Variants in RIPK4 observed in about 807,000 individuals in gnomAD.
The protein encoded by RIPK4 is receptor interacting serine/threonine kinase 4, also known as receptor-interacting serine/threonine-protein kinase 4.
In RIPK4, 17 loss-of-function variants were observed where a neutral mutation model predicts 42.9. That is an observed-to-expected ratio of 0.40 (90% CI 0.27 to 0.59). The LOEUF (loss-of-function observed/expected upper bound fraction) is 0.59, where lower values mean the gene tolerates loss of function less well. Among genes scored for constraint, RIPK4 ranks in the 20% least tolerant of loss-of-function variants. The pLI, the probability that RIPK4 is intolerant of heterozygous loss-of-function variation, is 0.47. For missense variants in RIPK4, 897 were observed against 1,104.4 expected (o/e 0.81, Z 2.66); for synonymous variants, 498 against 499.1 (o/e 1.00, Z 0.03).
chr21:41,740,841 G>C lies in RIPK4; in HGVS notation c.2352C>G (p.Thr784=). ...PAATLLRRSK[T] ...CCCGGTCTCCGCAGGCAGCCAGCTA[G>C]GTCTTGCTTCGCCGCAGGAGCGTGG... Residue 784 remains threonine (T), a synonymous_variant, in exon 8 of 8, where the codon ACC becomes ACG. Coordinates refer to ENST00000332512, the MANE Select transcript of RIPK4 (RefSeq NM_020639.3). The C allele has an allele frequency of 6.3e-7, 1 of 1,599,894 alleles. No individual in the cohort carries two copies. Among genetic ancestry groups the C allele is most frequent in the Non-Finnish European group, 8.5e-7 (1 of 1,173,250 alleles).
chr21:41,740,588 G>T lies in RIPK4; in HGVS notation c.*250C>A, dbSNP rs2061149401. The T allele has an allele frequency of 1.9e-6, 1 of 519,028 alleles. No individual in the cohort carries two copies. The highest frequency in any genetic ancestry group is 2.9e-5 in the South Asian group (1 of 34,036). 32.2% of individuals were successfully genotyped at this position (519,028 alleles called of 1,614,324 possible). ...ATTAGGAGCACAACGAAATGATTCTGACCCACGGTCCCTTCAGACAGCAGG... is the reference window on the plus strand; with the variant it reads ...ATTAGGAGCACAACGAAATGATTCTTACCCACGGTCCCTTCAGACAGCAGG... On this transcript the variant is annotated 3_prime_UTR_variant, in exon 8 of 8. Transcript: ENST00000332512.
At chr21:41,761,798 T>C (rs530028143) in intron 1 of RIPK4, among the ~76,000 whole-genome samples, 2 of 152,304 alleles carry the variant, frequency 1.3e-5, no homozygotes, top group South Asian at 4.1e-4. Flanking sequence ...ACAAATAGTG[T>C]TTTCTTTTAT....
chr21:41,757,494 C>G (rs1402495617), intron 1 of RIPK4, among the ~76,000 whole-genome samples: 10 of 150,974 alleles, frequency 6.6e-5, no homozygotes, highest in African/African-American at 9.8e-5. Flanking sequence ...TGCACTCCAG[C>G]CTGGGCAACA....
At chr21:41,745,724 G>A (rs1569101202) in intron 6 of RIPK4, 35 bp downstream of exon 6, 4 of 1,524,044 alleles carry the variant, frequency 2.6e-6, no homozygotes, top group Non-Finnish European at 3.6e-6. Flanking sequence ...TGGAAGCCGA[G>A]GAGACAAAAG....
At chr21:41,760,091 A>T (rs1289825359) in intron 1 of RIPK4, among the ~76,000 whole-genome samples, 1 of 152,240 alleles carries the variant, frequency 6.6e-6, no homozygotes, top group Non-Finnish European at 1.5e-5. Context: ...ACAATGCATA[A>T]GACAGCCCCA....
rs201030695 is a variant in RIPK4 at position 41,751,201 on chromosome 21, C to A, written c.519G>T (p.Ser173=). The A allele has an allele frequency of 5.6e-6, 9 of 1,614,108 alleles. No homozygotes were observed. The highest frequency in any genetic ancestry group is 7.6e-6 in the Non-Finnish European group (9 of 1,180,038). Residue 173 remains serine, a synonymous_variant, in exon 3 of 8, where the codon TCG becomes TCT. Coordinates refer to ENST00000332512, the MANE Select transcript of RIPK4 (RefSeq NM_020639.3). This position sits in a 1 kb window ranked among gnomAD's most constrained non-coding sequence, Gnocchi z 4.5. ...GLAKCNGLSH[S]HDLSMDGLFG... ...ACAGGCCATCCATGCTGAGGTCATG[C>A]GAGTGGGACAGCCCGTTGCACTTGG...
At chr21:41,744,209 A>C in intron 6 of RIPK4, 69 bp from the exon 7 acceptor site, 1 of 1,455,804 alleles carries the variant, frequency 6.9e-7, no homozygotes, top group Non-Finnish European at 9.1e-7. Flanking sequence ...CCATGACACA[A>C]ACACAGAAGA....
intron 1 of RIPK4, among the ~76,000 whole-genome samples, chr21:41,764,106 C>T (rs1224849508): frequency 6.6e-6 from 1 of 152,240 alleles, no homozygotes. Context: ...AGGAGGGCCC[C>T]CTGGCAGGCA....
chr21:41,745,675 G>A, intron 6 of RIPK4, 84 bp downstream of exon 6: 2 of 999,226 alleles, frequency 2.0e-6, no homozygotes, highest in South Asian at 2.7e-5. Flanking sequence ...CCGGGCGGCG[G>A]GGGACTCTGC....
chr21:41,744,797 C>G (rs533410422), intron 6 of RIPK4, among the ~76,000 whole-genome samples: 1 of 152,014 alleles, frequency 6.6e-6, no homozygotes, highest in African/African-American at 2.4e-5. Context: ...TGTGTGGGGA[C>G]GAGGGAAAGG....
At position 41,741,259 on chromosome 21, in the gene RIPK4, G is replaced by A. The variant is rs150004054; in HGVS notation, c.1934C>T (p.Ala645Val). The change falls in exon 8 of 8, where the codon GCG (alanine) becomes GTG (valine). Residue 645 changes from alanine to valine, a missense_variant. By Grantham distance (64) the Ala-to-Val change is moderately conservative. Coordinates refer to ENST00000332512, the MANE Select transcript of RIPK4 (RefSeq NM_020639.3). The part of the protein sequence containing the change: ...LLAQTPLHVA[A>V]ETGHTSTARL... ...GGCAGTGCTCGTGTGCCCCGTCTCC[G>A]CGGCCACGTGCAGGGGTGTCTGTGC... The A allele has an allele frequency of 2.4e-5, 39 of 1,608,276 alleles. No individual in the cohort carries two copies. Among genetic ancestry groups the A allele is most frequent in the Middle Eastern group, 1.6e-4 (1 of 6,082 alleles).
Position 41,741,217 on chromosome 21 carries a change from C to A in RIPK4, c.1976G>T (p.Arg659Leu), listed in dbSNP as rs1377242172. 2.5e-6 allele frequency: 4 copies of A among 1,609,084 alleles called. No homozygotes were observed. The highest frequency in any genetic ancestry group is 3.4e-6 in the Non-Finnish European group (4 of 1,178,190). ...HTSTARLLLH[R>L]GAGKEAMTSD... is the part of the protein sequence containing the mutation. ...GGTCATGGCCTCCTTGCCAGCGCCCCGATGCAGGAGCAGCCTGGCAGTGCT... is the reference window on the plus strand; with the variant it reads ...GGTCATGGCCTCCTTGCCAGCGCCCAGATGCAGGAGCAGCCTGGCAGTGCT... The change falls in exon 8 of 8, where the codon CGG becomes CTG. Residue 659 changes from arginine to leucine, a missense_variant. Physicochemically the swap from Arg to Leu is moderately radical, Grantham distance 102. Transcript: ENST00000332512.
chr21:41,744,187 C>CAA, intron 6 of RIPK4, 47 bp from the exon 7 acceptor site: 1 of 1,493,968 alleles, frequency 6.7e-7, no homozygotes, highest in Non-Finnish European at 8.9e-7. Context: ...TGCCATAGAC[C>CAA]GCATGGCCCG....
intron 7 of RIPK4, among the ~76,000 whole-genome samples, 196 bp downstream of exon 7, chr21:41,743,686 A>G (rs2061161365): frequency 6.6e-6 from 1 of 152,252 alleles, no homozygotes; most frequent in Non-Finnish European, 1.5e-5. Flanking sequence ...CCTGTTCCCC[A>G]CACATGCTAA....
Position 41,746,683 on chromosome 21 carries a change from G to A in RIPK4, c.762C>T (p.Ala254=), listed in dbSNP as rs563651173. The change falls in exon 5 of 8, where the codon GCC becomes GCT. Residue 254 remains alanine (A), a synonymous_variant. Transcript: ENST00000332512. ...LPPVCRARPR[A]CSHLIRLMQR... is the part of the protein sequence containing the mutation. Reference sequence around the variant, plus strand: ...GCATGAGGCGTATCAGGTGGCTGCAGGCGCGCGGCCGGGCTCTGCACACGG... The same window carrying A: ...GCATGAGGCGTATCAGGTGGCTGCAAGCGCGCGGCCGGGCTCTGCACACGG... The A allele has an allele frequency of 7.4e-6, 12 of 1,611,244 alleles. No individual in the cohort carries two copies. In the South Asian group the frequency reaches 1.3e-4, roughly 18 times the overall value.
At chr21:41,754,130 T>A (rs2061196143) in intron 2 of RIPK4, among the ~76,000 whole-genome samples, 1 of 152,082 alleles carries the variant, frequency 6.6e-6, no homozygotes, top group African/African-American at 2.4e-5. Flanking sequence ...AATTGCAGGA[T>A]TCTGGATTAC....
intron 1 of RIPK4, among the ~76,000 whole-genome samples, chr21:41,760,129 C>T (rs770081067): frequency 1.4e-4 from 22 of 152,354 alleles, no homozygotes; most frequent in Non-Finnish European, 2.5e-4. Flanking sequence ...GCCCCAAATG[C>T]CAACGGTGCC....
chr21:41,744,338 C>T (rs143421534), intron 6 of RIPK4, among the ~76,000 whole-genome samples, 198 bp from the exon 7 acceptor site: 2 of 152,132 alleles, frequency 1.3e-5, no homozygotes, highest in Non-Finnish European at 2.9e-5. Context: ...GGAGCTCAGA[C>T]GCCATGTCCA....
Position 41,746,596 on chromosome 21 carries a change from G to A in RIPK4, c.832+17C>T, listed in dbSNP as rs1176575849. 5.0e-6 allele frequency: 8 copies of A among 1,600,412 alleles called. No homozygotes were observed. In the Admixed American group the frequency reaches 5.1e-5, roughly 10 times the overall value. On this transcript the variant is annotated intron_variant, in intron 5 of 7. Transcript: ENST00000332512. ...TGACACCCACAGAATGTGGCGGGGA[G>A]ACCCCGGGGTGCTCACCTTGGAAGG...
Sources: allele counts gnomAD v4.1 joint callset (sites outside exome capture counted in the v4.1 genomes callset), GRCh38; gene constraint gnomAD v4.1.1; non-coding constraint Gnocchi (gnomAD v3.1); transcripts MANE v1.5; gene names NCBI Gene and HGNC (gene_info 2026-07-23, HGNC 2026-07-21).